Variants in IL1RAPL1 observed in about 807,000 individuals in gnomAD.
The protein encoded by IL1RAPL1 is interleukin-1 receptor accessory protein-like 1.
IL1RAPL1 carries 3 observed loss-of-function variants against 48.4 expected under a neutral mutation model. The ratio of observed to expected loss-of-function variants is 0.06; its 90% CI spans 0.03 to 0.16. The LOEUF is 0.16. Among genes scored for constraint, IL1RAPL1 ranks in the 10% least tolerant of loss-of-function variants. The pLI is 1.00. For missense variants in IL1RAPL1, 349 were observed against 530.6 expected (o/e 0.66, Z 3.36); for synonymous variants, 185 against 187.7 (o/e 0.99, Z 0.12).
chrX:29,319,160 G>GTCTGTCTGTCTGTCTGTCTA (rs370282992), intron 3 of IL1RAPL1, among the ~76,000 whole-genome samples: 4 of 84,986 alleles, frequency 4.7e-5, no homozygotes, highest in African/African-American at 1.8e-4. Context: ...CTATCTGTCT[G>GTCTGTCTGTCTGTCTGTCTA]TCTATCTATC....
At chrX:29,557,850 C>CT (rs200075193) in intron 5 of IL1RAPL1, among the ~76,000 whole-genome samples, 49 of 109,802 alleles carry the variant, frequency 4.5e-4, no homozygotes, top group African/African-American at 1.2e-3. Flanking sequence ...GCATGATATC[C>CT]TTTTTTTTAA....
chrX:29,671,521 A>T (rs1446919933), intron 6 of IL1RAPL1, among the ~76,000 whole-genome samples: 1 of 112,399 alleles, frequency 8.9e-6, no homozygotes, highest in African/African-American at 3.2e-5. Context: ...GTTATTTCTA[A>T]ATGTAAAAAA....
chrX:29,585,507 T>C (rs1923126580), intron 5 of IL1RAPL1, among the ~76,000 whole-genome samples: 1 of 112,133 alleles, frequency 8.9e-6, no homozygotes, highest in Non-Finnish European at 1.9e-5. Context: ...GGGTCATTGA[T>C]ATACTGATTT....
At chrX:29,889,282 G>A (rs1235696003) in intron 6 of IL1RAPL1, among the ~76,000 whole-genome samples, 4 of 111,473 alleles carry the variant, frequency 3.6e-5, no homozygotes, top group Non-Finnish European at 7.5e-5. Flanking sequence ...TTTTGGTATC[G>A]AGTTTAATAT....
intron 2 of IL1RAPL1, among the ~76,000 whole-genome samples, chrX:28,860,465 T>G (rs1921913298): frequency 9.5e-6 from 1 of 104,851 alleles, no homozygotes; most frequent in African/African-American, 3.4e-5. Flanking sequence ...TTTCTTTTCT[T>G]TTTTTTTTTT....
At chrX:28,917,071 C>G (rs1193513680) in intron 2 of IL1RAPL1, among the ~76,000 whole-genome samples, 1 of 111,044 alleles carries the variant, frequency 9.0e-6, no homozygotes, top group Non-Finnish European at 1.9e-5. Flanking sequence ...TGATAAATAT[C>G]ATTAATTTTT....
At position 28,879,427 on chromosome X, in the gene IL1RAPL1, A is replaced by C. The variant is rs748682398; in HGVS notation, c.82+90002A>C. ...TATGACAATACCTAATATATAAATAATTATAATAATAAACCACATTGTCAA... is the reference window on the plus strand; with the variant it reads ...TATGACAATACCTAATATATAAATACTTATAATAATAAACCACATTGTCAA... On this transcript the variant is annotated intron_variant, in intron 2 of 10. Transcript: ENST00000378993. 4.5e-5 allele frequency among the ~76,000 whole-genome samples: 5 copies of C among 111,652 alleles called. No homozygotes were observed. The Admixed American group carries it at 4.8e-4, about 11-fold the overall frequency.
chrX:29,474,947 A>G (rs1481050846), intron 5 of IL1RAPL1, among the ~76,000 whole-genome samples: 1 of 111,819 alleles, frequency 8.9e-6, no homozygotes, highest in Non-Finnish European at 1.9e-5. Flanking sequence ...GTAGTAATAT[A>G]TGTAAAGAAA....
intron 2 of IL1RAPL1, among the ~76,000 whole-genome samples, chrX:29,025,844 G>A (rs1398444545): frequency 9.0e-6 from 1 of 111,442 alleles, no homozygotes; most frequent in African/African-American, 3.3e-5. Context: ...TGTTGTGTTT[G>A]CCTGTCTCTT....
chrX:29,658,596 C>A (rs1925754599), intron 5 of IL1RAPL1, among the ~76,000 whole-genome samples: 1 of 111,845 alleles, frequency 8.9e-6, no homozygotes, highest in Non-Finnish European at 1.9e-5. Flanking sequence ...CATCAGTGAA[C>A]TAAGGAAGTG....
intron 5 of IL1RAPL1, among the ~76,000 whole-genome samples, chrX:29,656,045 G>A (rs977392627): frequency 3.9e-4 from 44 of 112,598 alleles, no homozygotes; most frequent in African/African-American, 1.4e-3. Flanking sequence ...AGGGTGTTAT[G>A]TCAATATTTA....
chrX:29,278,043 T>C (rs1932145003), intron 2 of IL1RAPL1, among the ~76,000 whole-genome samples: 1 of 111,561 alleles, frequency 9.0e-6, no homozygotes, highest in Non-Finnish European at 1.9e-5. Flanking sequence ...ATTTTCTGAT[T>C]AGGGATGCTC....
At chrX:29,023,485 AAGTGATTGCTTT>A (rs1433947865) in intron 2 of IL1RAPL1, among the ~76,000 whole-genome samples, 5 of 112,693 alleles carry the variant, frequency 4.4e-5, no homozygotes, top group Non-Finnish European at 9.4e-5. Context: ...TCATTTTCTA[AAGTGATTGCTTT>A]ATGCATCTGC....
chrX:28,884,681 G>T (rs1922587773), intron 2 of IL1RAPL1, among the ~76,000 whole-genome samples: 1 of 111,696 alleles, frequency 9.0e-6, no homozygotes, highest in Admixed American at 9.6e-5. Flanking sequence ...TTCTGAGATT[G>T]ATTACTAAAC....
In IL1RAPL1 at chrX:28,745,343, T is replaced by C. The variant is rs190269352; in HGVS notation, c.-24-43977T>C. ...AAGACTGGGGACCACTAGCCTATAG[T>C]ATTGGCTTAAGAATGTGGGATAGAG... is the stretch of plus-strand genomic sequence containing the variant. On this transcript the variant is annotated intron_variant, in intron 1 of 10. Transcript: ENST00000378993. Among the ~76,000 whole-genome samples the C allele has an allele frequency of 1.6e-4, 18 of 111,531 alleles. No homozygotes were observed. In the Admixed American group the frequency reaches 1.6e-3, roughly 10 times the overall value.
intron 2 of IL1RAPL1, among the ~76,000 whole-genome samples, chrX:29,196,092 A>G (rs979470470): frequency 8.9e-6 from 1 of 112,365 alleles, no homozygotes; most frequent in Non-Finnish European, 1.9e-5. Flanking sequence ...CTGCATTAGT[A>G]GATATTAAAC....
At chrX:29,874,662 A>G (rs2147211376) in intron 6 of IL1RAPL1, among the ~76,000 whole-genome samples, 1 of 112,800 alleles carries the variant, frequency 8.9e-6, no homozygotes, top group East Asian at 2.8e-4. Flanking sequence ...CTGCATTTAC[A>G]GATTCAGATC....
intron 2 of IL1RAPL1, among the ~76,000 whole-genome samples, chrX:28,871,005 C>T (rs1922192961): frequency 9.0e-6 from 1 of 111,384 alleles, no homozygotes; most frequent in South Asian, 3.7e-4. Flanking sequence ...ATACAAGTCA[C>T]TGAATTAAGG....
chrX:29,535,102 C>G (rs1396723456), intron 5 of IL1RAPL1, among the ~76,000 whole-genome samples: 28 of 86,934 alleles, frequency 3.2e-4, no homozygotes, highest in African/African-American at 1.2e-3. Flanking sequence ...GCACTGAACT[C>G]CAGCCTGGGC....
Sources: allele counts gnomAD v4.1 joint callset (sites outside exome capture counted in the v4.1 genomes callset), GRCh38; gene constraint gnomAD v4.1.1; transcripts MANE v1.5; gene names NCBI Gene and HGNC (gene_info 2026-07-23, HGNC 2026-07-21).